STXBP5L: variants seen among roughly 807,000 people sequenced by gnomAD.
The protein encoded by STXBP5L is syntaxin-binding protein 5-like.
A neutral mutation model predicts 144.5 loss-of-function variants in STXBP5L; 65 were observed. That is an observed-to-expected ratio of 0.45 (90% CI 0.37 to 0.55). The LOEUF is 0.55. Among genes scored for constraint, STXBP5L ranks in the 20% least tolerant of loss-of-function variants. The pLI, the probability that STXBP5L is intolerant of heterozygous loss-of-function variation, is 0.00. For synonymous variants in STXBP5L, 505 were observed against 469.6 expected (o/e 1.08, Z -0.97); for missense variants, 1,298 against 1,405.5 (o/e 0.92, Z 1.22).
At position 121,036,785 on chromosome 3, in the gene STXBP5L, T is replaced by A. The variant is rs182139473; in HGVS notation, c.288-4915T>A. On this transcript the variant is annotated intron_variant, in intron 3 of 26. Coordinates refer to ENST00000471454, the MANE Select transcript of STXBP5L (RefSeq NM_001308330.2). ...TTACATTGATTGATTTTTTTTTTTTTTTTTTTTATTATACTCTAAGTTTTA... is the reference window on the plus strand; with the variant it reads ...TTACATTGATTGATTTTTTTTTTTTATTTTTTTATTATACTCTAAGTTTTA... Among the ~76,000 whole-genome samples, 1,124 of 124,306 alleles carry A rather than the reference T, an allele frequency of 9.0e-3. 13 individuals carry two copies. Among genetic ancestry groups the A allele is most frequent in the African/African-American group, 0.037 (1,077 of 28,950 alleles). The allele number at this position is 124,306 out of a possible 152,430, so 81.5% of individuals were successfully genotyped here.
chr3:121,366,881 T>TA (rs2045879154), intron 20 of STXBP5L, among the ~76,000 whole-genome samples: 1 of 152,116 alleles, frequency 6.6e-6, no homozygotes, highest in South Asian at 2.1e-4. Flanking sequence ...ATGGGATGTT[T>TA]AGATTCCTTT....
chr3:121,286,286 G>A (rs2051230694), intron 19 of STXBP5L, among the ~76,000 whole-genome samples: 1 of 151,994 alleles, frequency 6.6e-6, no homozygotes, highest in South Asian at 2.1e-4. Flanking sequence ...TCCAAGAAAG[G>A]CAAATAAGTA....
intron 12 of STXBP5L, among the ~76,000 whole-genome samples, chr3:121,235,442 C>T (rs998604540): frequency 6.6e-6 from 1 of 151,914 alleles, no homozygotes; most frequent in African/African-American, 2.4e-5. Context: ...GTTATTATTT[C>T]TCTTTTTAAT....
chr3:121,015,436 G>A (rs1181319558), intron 3 of STXBP5L, among the ~76,000 whole-genome samples: 1 of 152,100 alleles, frequency 6.6e-6, no homozygotes, highest in African/African-American at 2.4e-5. Flanking sequence ...GAAGAGAAAA[G>A]CAAATCCAGA....
chr3:121,091,498 G>C (rs1316211777), intron 5 of STXBP5L, among the ~76,000 whole-genome samples: 1 of 152,130 alleles, frequency 6.6e-6, no homozygotes, highest in Admixed American at 6.5e-5. Flanking sequence ...ATATCTCATT[G>C]CAGTTTTGAT....
intron 14 of STXBP5L, among the ~76,000 whole-genome samples, chr3:121,247,840 G>C (rs1352744808): frequency 6.6e-6 from 1 of 152,178 alleles, no homozygotes; most frequent in African/African-American, 2.4e-5. Context: ...ACCCAGTAAT[G>C]GGATTGCTAG....
chr3:121,368,711 T>A (rs2045938568), intron 20 of STXBP5L, among the ~76,000 whole-genome samples: 1 of 152,200 alleles, frequency 6.6e-6, no homozygotes. Flanking sequence ...AGGACTGGTC[T>A]GGGGTGTAAT....
intron 3 of STXBP5L, among the ~76,000 whole-genome samples, chr3:120,974,254 T>C (rs921017641): frequency 9.9e-5 from 15 of 152,172 alleles, no homozygotes; most frequent in Non-Finnish European, 1.5e-4. Context: ...TGAGATGGTA[T>C]CTCATTGTGG....
intron 2 of STXBP5L, among the ~76,000 whole-genome samples, chr3:120,953,584 T>G (rs1011777092): frequency 6.6e-6 from 1 of 151,090 alleles, no homozygotes; most frequent in African/African-American, 2.4e-5. Context: ...GCAATCCTCC[T>G]GCTTTGGCCT....
At position 121,091,128 on chromosome 3, in the gene STXBP5L, A is replaced by G. The variant is rs557338799; in HGVS notation, c.471-23797A>G. Among the ~76,000 whole-genome samples, 36 of 148,938 alleles carry G rather than the reference A, an allele frequency of 2.4e-4. 1 individual carries two copies. In the South Asian group the frequency reaches 5.1e-3, roughly 21 times the overall value. On this transcript the variant is annotated intron_variant, in intron 5 of 26. Coordinates refer to ENST00000471454, the MANE Select transcript of STXBP5L (RefSeq NM_001308330.2). Reference sequence around the variant, plus strand: ...TGAACTCATCATTTTTTATGGCTGCATAGTATTCCATGGTGTATATGTGCC... The same window carrying G: ...TGAACTCATCATTTTTTATGGCTGCGTAGTATTCCATGGTGTATATGTGCC...
chr3:121,359,956 T>C (rs1321779428), intron 20 of STXBP5L, among the ~76,000 whole-genome samples: 1 of 143,338 alleles, frequency 7.0e-6, no homozygotes, highest in Non-Finnish European at 1.5e-5. Flanking sequence ...TCTGAGTCTT[T>C]TGTGGTTATA....
intron 3 of STXBP5L, among the ~76,000 whole-genome samples, chr3:121,009,147 G>A (rs866898914): frequency 1.3e-5 from 2 of 151,938 alleles, no homozygotes; most frequent in African/African-American, 4.8e-5. Context: ...GGGTGGCTGA[G>A]GACAGACAAT....
intron 9 of STXBP5L, among the ~76,000 whole-genome samples, chr3:121,159,161 C>T (rs1159025385): frequency 6.6e-6 from 1 of 151,578 alleles, no homozygotes; most frequent in Non-Finnish European, 1.5e-5. Flanking sequence ...TCTCTAAGTA[C>T]CACTTTAGAT....
intron 18 of STXBP5L, among the ~76,000 whole-genome samples, chr3:121,262,725 T>A (rs2050423684): frequency 6.6e-6 from 1 of 152,184 alleles, no homozygotes; most frequent in Non-Finnish European, 1.5e-5. Flanking sequence ...TCAAACAAGT[T>A]ATATGTTTCC....
At chr3:120,961,237 G>T (rs1244175686) in intron 3 of STXBP5L, among the ~76,000 whole-genome samples, 1 of 147,422 alleles carries the variant, frequency 6.8e-6, no homozygotes, top group Non-Finnish European at 1.5e-5. Context: ...TGTTCACTGA[G>T]GTCAATTAGA....
chr3:121,227,545 G>C (rs1482242149), intron 11 of STXBP5L, among the ~76,000 whole-genome samples: 1 of 152,136 alleles, frequency 6.6e-6, no homozygotes, highest in Non-Finnish European at 1.5e-5. Flanking sequence ...TTGCACCACT[G>C]TACTCCAGCC....
At chr3:121,063,935 G>A (rs767903091) in intron 5 of STXBP5L, among the ~76,000 whole-genome samples, 2 of 152,244 alleles carry the variant, frequency 1.3e-5, no homozygotes, top group Non-Finnish European at 1.5e-5. Flanking sequence ...GCTCGGTGGG[G>A]TTGGGGTCCA....
intron 2 of STXBP5L, among the ~76,000 whole-genome samples, chr3:120,945,148 T>C (rs1226398351): frequency 6.6e-6 from 1 of 151,766 alleles, no homozygotes; most frequent in Non-Finnish European, 1.5e-5. Context: ...AGACAGTTTA[T>C]GTACAATTTC....
intron 5 of STXBP5L, chr3:121,099,400 G>A (rs147172758): frequency 6.6e-6 from 1 of 152,210 alleles, no homozygotes; most frequent in Non-Finnish European, 1.5e-5. Context: ...ACAATAAAAA[G>A]AGTTGAAGAC....
Sources: gnomAD v4.1 joint callset for allele counts (sites outside exome capture counted in the v4.1 genomes callset) on GRCh38, gnomAD v4.1.1 for gene constraint, MANE v1.5 for transcripts, NCBI Gene and HGNC (gene_info 2026-07-23, HGNC 2026-07-21) for gene names.